The following MYO1D variants were observed in gnomAD, a reference collection of about 807,000 sequenced individuals.
MYO1D encodes myosin ID.
MYO1D carries 83 observed loss-of-function variants against 122.0 expected under a neutral mutation model. That is an observed-to-expected ratio of 0.68 (90% CI 0.57 to 0.82). The LOEUF (loss-of-function observed/expected upper bound fraction) is 0.82. MYO1D is among the 40% of genes least tolerant of loss of function. The pLI is 0.00. For missense variants in MYO1D, 1,157 were observed against 1,269.5 expected, an observed-to-expected ratio of 0.91 and a Z score of 1.35; for synonymous variants, 464 against 446.9, an observed-to-expected ratio of 1.04 and a Z score of -0.48.
intron 1 of MYO1D, among the ~76,000 whole-genome samples, chr17:32,844,595 T>C (rs2090918375): frequency 6.6e-6 from 1 of 151,808 alleles, no homozygotes; most frequent in South Asian, 2.1e-4. Context: ...TGGTGGCACA[T>C]GCCTGTTGTC....
At chr17:32,783,994 T>C (rs1412125618) in intron 1 of MYO1D, among the ~76,000 whole-genome samples, 1 of 152,044 alleles carries the variant, frequency 6.6e-6, no homozygotes, top group Non-Finnish European at 1.5e-5. Flanking sequence ...AAAAAAGGAG[T>C]GGAGAACAGG....
Position 32,760,356 on chromosome 17 carries a change from T to C in MYO1D, c.1230A>G (p.Leu410=), listed in dbSNP as rs771648435. The C allele has an allele frequency of 3.1e-6, 5 of 1,612,444 alleles. No homozygotes were observed. The African/African-American group carries it at 4.0e-5, about 13-fold the overall frequency. ...CTTGCTTCAGAACCAGCTGAATAAA[T>C]AGCTGCTGCAGTTTCTCATTGCAGT... ...INYCNEKLQQ[L]FIQLVLKQEQ... Residue 410 remains leucine, a synonymous_variant, in exon 10 of 22, where the codon CTA becomes CTG. Coordinates refer to ENST00000318217, the MANE Select transcript of MYO1D (RefSeq NM_015194.3).
chr17:32,608,747 C>G (rs1372398459), intron 20 of MYO1D, among the ~76,000 whole-genome samples: 2 of 152,126 alleles, frequency 1.3e-5, no homozygotes, highest in Admixed American at 6.5e-5. Context: ...TGGAAACGAC[C>G]CAAATATCCA....
At chr17:32,841,952 AAG>A (rs142250914) in intron 1 of MYO1D, among the ~76,000 whole-genome samples, 1 of 151,846 alleles carries the variant, frequency 6.6e-6, no homozygotes, top group Non-Finnish European at 1.5e-5. Context: ...TACACAAAAT[AAG>A]AGAGAGAGAG....
At chr17:32,626,823 A>T (rs1456920683) in intron 20 of MYO1D, among the ~76,000 whole-genome samples, 1 of 152,208 alleles carries the variant, frequency 6.6e-6, no homozygotes, top group African/African-American at 2.4e-5. Flanking sequence ...AATGTGGCTT[A>T]GTCGTCACAT....
At chr17:32,494,994 C>T (rs2150848504) in intron 21 of MYO1D, 79 bp from the exon 22 acceptor site, 1 of 1,448,228 alleles carries the variant, frequency 6.9e-7, no homozygotes, top group East Asian at 2.6e-5. Context: ...CTCCCGGCCA[C>T]CATTGGCTCC....
At chr17:32,578,164 T>C (rs2087296584) in intron 21 of MYO1D, among the ~76,000 whole-genome samples, 1 of 152,260 alleles carries the variant, frequency 6.6e-6, no homozygotes. Context: ...AAACCTCATA[T>C]ACATAAAATA....
intron 1 of MYO1D, among the ~76,000 whole-genome samples, chr17:32,866,516 A>G (rs73285635): frequency 0.048 from 7,365 of 152,248 alleles, 558 homozygotes; most frequent in African/African-American, 0.16. Context: ...TTATTTCTCA[A>G]AAATGAAATT....
At chr17:32,696,203 T>C (rs2089170154) in intron 16 of MYO1D, among the ~76,000 whole-genome samples, 3 of 151,772 alleles carry the variant, frequency 2.0e-5, no homozygotes, top group African/African-American at 7.3e-5. Context: ...CAAGAGAATA[T>C]GTACAAAAAT....
At chr17:32,707,705 T>C (rs778716895) in intron 16 of MYO1D, among the ~76,000 whole-genome samples, 5 of 152,188 alleles carry the variant, frequency 3.3e-5, no homozygotes, top group Non-Finnish European at 5.9e-5. Flanking sequence ...AGTAATAAGA[T>C]TGGTTTACTG....
intron 20 of MYO1D, among the ~76,000 whole-genome samples, chr17:32,614,997 A>G (rs775801459): frequency 2.0e-5 from 3 of 152,180 alleles, no homozygotes; most frequent in African/African-American, 7.2e-5. Context: ...GGCCCTAGAC[A>G]TTGTGGAGCA....
intron 20 of MYO1D, among the ~76,000 whole-genome samples, chr17:32,613,789 C>CAA (rs60701225): frequency 0.022 from 1,133 of 50,958 alleles, 170 homozygotes; most frequent in South Asian, 0.063. Context: ...GATTCCATCT[C>CAA]AAAAAAAAAA....
At chr17:32,870,395 G>C (rs1299467530) in intron 1 of MYO1D, among the ~76,000 whole-genome samples, 2 of 152,036 alleles carry the variant, frequency 1.3e-5, no homozygotes, top group Admixed American at 1.3e-4. Flanking sequence ...GGGTATCTAT[G>C]GGTTTTTTTC....
intron 21 of MYO1D, among the ~76,000 whole-genome samples, chr17:32,557,299 T>C (rs752673444): frequency 6.6e-6 from 1 of 151,974 alleles, no homozygotes; most frequent in African/African-American, 2.4e-5. Context: ...TTTTTATTTT[T>C]AGTAGAGATG....
At chr17:32,694,536 C>T (rs561375100) in intron 16 of MYO1D, among the ~76,000 whole-genome samples, 1 of 151,664 alleles carries the variant, frequency 6.6e-6, no homozygotes, top group South Asian at 2.1e-4. Context: ...CCTGTCTCTA[C>T]TAAAAATACA....
chr17:32,515,915 C>T (rs1162153542), intron 21 of MYO1D, among the ~76,000 whole-genome samples: 1 of 152,110 alleles, frequency 6.6e-6, no homozygotes, highest in African/African-American at 2.4e-5. Flanking sequence ...AAAAATGTAC[C>T]CTTGTCTCAT....
chr17:32,679,780 T>C (rs1474785834), intron 16 of MYO1D, among the ~76,000 whole-genome samples: 2 of 151,924 alleles, frequency 1.3e-5, no homozygotes, highest in Non-Finnish European at 2.9e-5. Flanking sequence ...AAAGTAGTTT[T>C]TTCCAATTCT....
chr17:32,793,581 A>G (rs2090380618), intron 1 of MYO1D, among the ~76,000 whole-genome samples: 1 of 152,112 alleles, frequency 6.6e-6, no homozygotes, highest in Admixed American at 6.5e-5. Flanking sequence ...CTTTCTTAAA[A>G]TGATTTGGAA....
At chr17:32,508,056 C>T (rs1909560095) in intron 21 of MYO1D, among the ~76,000 whole-genome samples, 1 of 151,990 alleles carries the variant, frequency 6.6e-6, no homozygotes. Context: ...GCCACCATGC[C>T]CAGGCAATTT....
Sources: gnomAD v4.1 joint callset for allele counts (sites outside exome capture counted in the v4.1 genomes callset) on GRCh38, gnomAD v4.1.1 for gene constraint, MANE v1.5 for transcripts, NCBI Gene and HGNC (gene_info 2026-07-23, HGNC 2026-07-21) for gene names.